The following TSPAN2 variants were observed in gnomAD, a reference collection of about 807,000 sequenced individuals.
The protein encoded by TSPAN2 is tetraspanin 2.
Under a neutral mutation model 33.3 loss-of-function variants are expected in TSPAN2, and 24 were observed. The observed-to-expected ratio is 0.72, with a 90% CI of 0.52 to 1.01. TSPAN2 has a LOEUF of 1.01. Among genes scored for constraint, TSPAN2 ranks in the 50% least tolerant of loss-of-function variants. The pLI, the probability that TSPAN2 is intolerant of heterozygous loss-of-function variation, is 0.00. For missense variants in TSPAN2, 278 were observed against 281.3 expected (o/e 0.99, Z 0.08); for synonymous variants, 114 against 104.5 (o/e 1.09, Z -0.56).
chr1:115,086,815 CATGG>C (rs1384345527), intron 1 of TSPAN2, among the ~76,000 whole-genome samples: 1 of 152,182 alleles, frequency 6.6e-6, no homozygotes, highest in Non-Finnish European at 1.5e-5. Context: ...CAAATTTGAG[CATGG>C]ATCAGAATTA....
chr1:115,053,293 G>A, intron 7 of TSPAN2, 86 bp downstream of exon 7: 3 of 1,181,024 alleles, frequency 2.5e-6, no homozygotes, highest in Non-Finnish European at 2.5e-6. Flanking sequence ...TCTCTCTTAA[G>A]ATACTATCAC....
intron 1 of TSPAN2, among the ~76,000 whole-genome samples, chr1:115,073,954 C>T (rs114404106): frequency 0.012 from 1,787 of 152,264 alleles, 18 homozygotes; most frequent in Non-Finnish European, 0.02. Flanking sequence ...ACACCACTCT[C>T]GAATTTCACT....
intron 1 of TSPAN2, among the ~76,000 whole-genome samples, chr1:115,074,579 T>A (rs1286363): frequency 6.6e-6 from 1 of 152,048 alleles, no homozygotes. Flanking sequence ...GGGTGGCATG[T>A]CATGGAAACA....
intron 5 of TSPAN2, 67 bp downstream of exon 5, chr1:115,058,816 G>A (rs938178922): frequency 4.5e-5 from 58 of 1,282,298 alleles, no homozygotes; most frequent in Admixed American, 8.6e-5. Context: ...CCTGGTGATT[G>A]GTGAGAACCT....
chr1:115,051,222 A>AT (rs1387764306), intron 7 of TSPAN2, among the ~76,000 whole-genome samples: 1 of 151,892 alleles, frequency 6.6e-6, no homozygotes, highest in Non-Finnish European at 1.5e-5. Flanking sequence ...AGGCGGGAGG[A>AT]TTATTGAGCC....
intron 2 of TSPAN2, among the ~76,000 whole-genome samples, chr1:115,070,274 A>G (rs1570976590): frequency 6.6e-6 from 1 of 152,042 alleles, no homozygotes; most frequent in East Asian, 1.9e-4. Flanking sequence ...AAAAATGTTT[A>G]ATAATGTTTC....
At chr1:115,076,106 C>A (rs181986607) in intron 1 of TSPAN2, among the ~76,000 whole-genome samples, 155 of 152,258 alleles carry the variant, frequency 1.0e-3, no homozygotes, top group Admixed American at 2.6e-3. Flanking sequence ...GGGATTGGAG[C>A]AAACTGTAGC....
chr1:115,082,872 AC>A (rs1184128613), intron 1 of TSPAN2, among the ~76,000 whole-genome samples: 1 of 152,246 alleles, frequency 6.6e-6, no homozygotes, highest in Non-Finnish European at 1.5e-5. Context: ...AAGTCAGAAG[AC>A]CTGGGACATA....
chr1:115,083,386 T>TA, intron 1 of TSPAN2, among the ~76,000 whole-genome samples: 1 of 152,118 alleles, frequency 6.6e-6, no homozygotes, highest in Non-Finnish European at 1.5e-5. Flanking sequence ...AGTATTAGCG[T>TA]AAAAAAGAGA....
At chr1:115,072,469 C>A (rs1648218886) in intron 2 of TSPAN2, among the ~76,000 whole-genome samples, 1 of 152,252 alleles carries the variant, frequency 6.6e-6, no homozygotes, top group East Asian at 1.9e-4. Flanking sequence ...AAATAAAATC[C>A]TACAGGGGTC....
At chr1:115,071,799 G>T (rs1648184650) in intron 2 of TSPAN2, among the ~76,000 whole-genome samples, 1 of 152,218 alleles carries the variant, frequency 6.6e-6, no homozygotes, top group South Asian at 2.1e-4. Flanking sequence ...TTTCCTCGCA[G>T]GAGGATGCTG....
chr1:115,072,785 C>A, intron 2 of TSPAN2, 120 bp downstream of exon 2: 1 of 831,242 alleles, frequency 1.2e-6, no homozygotes, highest in East Asian at 2.6e-5. Flanking sequence ...CTCCTTTCAG[C>A]GTCTTTCCCT....
intron 2 of TSPAN2, among the ~76,000 whole-genome samples, chr1:115,068,235 G>A (rs1043288817): frequency 6.6e-6 from 1 of 152,178 alleles, no homozygotes; most frequent in African/African-American, 2.4e-5. Flanking sequence ...CCTGCCCTGG[G>A]ATTGACCACA....
chr1:115,067,331 G>GT (rs1315519226), intron 2 of TSPAN2, among the ~76,000 whole-genome samples: 2 of 152,194 alleles, frequency 1.3e-5, no homozygotes, highest in Non-Finnish European at 2.9e-5. Context: ...ATGATTCCTG[G>GT]TTTTTCCTCT....
chr1:115,060,383 G>T, intron 4 of TSPAN2, 81 bp downstream of exon 4: 1 of 1,119,230 alleles, frequency 8.9e-7, no homozygotes. Flanking sequence ...GGGATTATTT[G>T]GTTTCTTAAC....
At chr1:115,053,544 C>T in intron 6 of TSPAN2, 82 bp from the exon 7 acceptor site, 1 of 1,173,620 alleles carries the variant, frequency 8.5e-7, no homozygotes. Context: ...TCCATCTCTA[C>T]AGTTCATTCT....
chr1:115,076,603 C>T (rs1001863653), intron 1 of TSPAN2, among the ~76,000 whole-genome samples: 4 of 152,318 alleles, frequency 2.6e-5, no homozygotes, highest in East Asian at 3.9e-4. Flanking sequence ...CCAGGACCAG[C>T]GCCAATCCCT....
intron 6 of TSPAN2, among the ~76,000 whole-genome samples, chr1:115,055,832 T>A (rs1386117813): frequency 6.6e-6 from 1 of 152,188 alleles, no homozygotes; most frequent in Admixed American, 6.6e-5. Flanking sequence ...TGGTAAAACA[T>A]TTCATCATAT....
intron 2 of TSPAN2, among the ~76,000 whole-genome samples, chr1:115,072,169 A>T (rs1182226098): frequency 6.6e-6 from 1 of 152,110 alleles, no homozygotes; most frequent in African/African-American, 2.4e-5. Context: ...CAGGGCAACA[A>T]TGCTCAGCCC....
Sources: gnomAD v4.1 joint callset for allele counts (sites outside exome capture counted in the v4.1 genomes callset) on GRCh38, gnomAD v4.1.1 for gene constraint, MANE v1.5 for transcripts, NCBI Gene and HGNC (gene_info 2026-07-23, HGNC 2026-07-21) for gene names.